The following CSMD1 variants were observed in gnomAD, a reference collection of about 807,000 sequenced individuals.
CSMD1 encodes the protein CUB and Sushi multiple domains 1.
In CSMD1, 213 loss-of-function variants were observed where a neutral mutation model predicts 417.5. That is an observed-to-expected ratio of 0.51 (90% CI 0.46 to 0.57). The LOEUF (loss-of-function observed/expected upper bound fraction) is 0.57, where lower values mean the gene tolerates loss of function less well. Ranked by LOEUF, CSMD1 falls within the 20% of genes least tolerant of loss-of-function variation. The pLI, the probability that CSMD1 is intolerant of heterozygous loss-of-function variation, is 0.00. For synonymous variants in CSMD1, 2,862 were observed against 1,736.8 expected, an observed-to-expected ratio of 1.65 and a Z score of -16.11; for missense variants, 6,923 against 4,529.7, an observed-to-expected ratio of 1.53 and a Z score of -15.17.
intron 2 of CSMD1, among the ~76,000 whole-genome samples, chr8:4,572,094 T>C (rs1798921317): frequency 6.6e-6 from 1 of 152,278 alleles, no homozygotes; most frequent in Non-Finnish European, 1.5e-5. Flanking sequence ...TGTCTTTTAA[T>C]TGGGGCATTT....
At chr8:3,105,751 G>A (rs1424349701) in intron 46 of CSMD1, among the ~76,000 whole-genome samples, 3 of 152,174 alleles carry the variant, frequency 2.0e-5, no homozygotes, top group Non-Finnish European at 4.4e-5. Context: ...GGTATTTATA[G>A]CAAAACGAAA....
intron 1 of CSMD1, among the ~76,000 whole-genome samples, chr8:4,961,995 C>G (rs1364700528): frequency 1.3e-5 from 2 of 152,036 alleles, no homozygotes; most frequent in Non-Finnish European, 1.5e-5. Flanking sequence ...TACATGGATA[C>G]AAAATTTCTG....
At chr8:3,784,061 T>C (rs918765247) in intron 5 of CSMD1, among the ~76,000 whole-genome samples, 5 of 152,244 alleles carry the variant, frequency 3.3e-5, no homozygotes, top group South Asian at 2.1e-4. Context: ...AAGATTGAAA[T>C]AGTAAATTCA....
chr8:3,985,943 C>G (rs1034332614), intron 5 of CSMD1, among the ~76,000 whole-genome samples: 3 of 139,776 alleles, frequency 2.1e-5, no homozygotes, highest in Admixed American at 7.0e-5. Flanking sequence ...ATTTTTTTTT[C>G]TAATTCTAGC....
chr8:4,913,457 T>C (rs1805838259), intron 1 of CSMD1, among the ~76,000 whole-genome samples: 1 of 152,174 alleles, frequency 6.6e-6, no homozygotes. Context: ...ATGCTATTAA[T>C]GGCCATTGTC....
At chr8:4,314,170 C>T (rs188658959) in intron 3 of CSMD1, among the ~76,000 whole-genome samples, 9 of 152,156 alleles carry the variant, frequency 5.9e-5, no homozygotes, top group African/African-American at 1.7e-4. Flanking sequence ...GGCTTAAAAG[C>T]ATCTCATTCC....
chr8:4,471,871 A>C (rs1419117345), intron 2 of CSMD1, among the ~76,000 whole-genome samples: 2 of 152,142 alleles, frequency 1.3e-5, no homozygotes, highest in Non-Finnish European at 2.9e-5. Flanking sequence ...GGCTACAAAA[A>C]ATGGTGTTTC....
At chr8:4,873,447 C>G (rs765882225) in intron 1 of CSMD1, among the ~76,000 whole-genome samples, 2 of 152,028 alleles carry the variant, frequency 1.3e-5, no homozygotes, top group Non-Finnish European at 2.9e-5. Flanking sequence ...GAGAATATTC[C>G]CTTCTTGAGA....
At position 4,720,325 on chromosome 8, in the gene CSMD1, G is replaced by T. The variant is rs116379719; in HGVS notation, c.86-82767C>A. ...AAATTCCTTCTTCTCAAAATCTATT[G>T]CACCAGAATAACATGGTACCATGTA... On this transcript the variant is annotated intron_variant, in intron 1 of 69. Coordinates refer to ENST00000635120, the MANE Select transcript of CSMD1 (RefSeq NM_033225.6). 2.6e-3 allele frequency among the ~76,000 whole-genome samples: 391 copies of T among 152,108 alleles called. 5 individuals carry two copies. The highest frequency in any genetic ancestry group is 9.1e-3 in the African/African-American group (379 of 41,476).
Position 3,396,218 on chromosome 8 carries a change from T to C in CSMD1, c.2569A>G (p.Ile857Val), listed in dbSNP as rs1194966270. Reference sequence around the variant, plus strand: ...CTCTCATAGTGGATGAGGAAGCCGATGCTGGAGCGGCTGTTGTCAGTGGTG... The same window carrying C: ...CTCTCATAGTGGATGAGGAAGCCGACGCTGGAGCGGCTGTTGTCAGTGGTG... ...LFTTDNSRSS[I>V]GFLIHYESVT... Residue 857 changes from isoleucine (I) to valine (V), a missense_variant, in exon 17 of 70, where the codon ATC becomes GTC. Coordinates refer to ENST00000635120, the MANE Select transcript of CSMD1 (RefSeq NM_033225.6). 3 of 1,566,802 alleles carry C rather than the reference T, an allele frequency of 1.9e-6. No individual in the cohort carries two copies. The highest frequency in any genetic ancestry group is 2.6e-6 in the Non-Finnish European group (3 of 1,155,806).
intron 1 of CSMD1, among the ~76,000 whole-genome samples, chr8:4,655,697 C>T (rs758427390): frequency 4.6e-5 from 7 of 151,942 alleles, no homozygotes; most frequent in Admixed American, 1.3e-4. Flanking sequence ...AACTAGGACA[C>T]GAAGAGGTGT....
chr8:4,883,436 C>T (rs1488527220), intron 1 of CSMD1, among the ~76,000 whole-genome samples: 1 of 152,036 alleles, frequency 6.6e-6, no homozygotes, highest in African/African-American at 2.4e-5. Context: ...TCATTTTGAA[C>T]ATTTTTATCA....
chr8:4,509,423 A>G (rs1802701414), intron 2 of CSMD1, among the ~76,000 whole-genome samples: 1 of 152,152 alleles, frequency 6.6e-6, no homozygotes, highest in African/African-American at 2.4e-5. Context: ...TTGAAATGTA[A>G]AGAATTAATT....
chr8:3,936,864 C>A (rs1440340982), intron 5 of CSMD1, among the ~76,000 whole-genome samples: 1 of 152,060 alleles, frequency 6.6e-6, no homozygotes, highest in Non-Finnish European at 1.5e-5. Flanking sequence ...TCTAGCTAGA[C>A]AAGGTAAAAC....
chr8:4,745,167 T>C (rs987450781), intron 1 of CSMD1, among the ~76,000 whole-genome samples: 2 of 152,154 alleles, frequency 1.3e-5, no homozygotes, highest in Non-Finnish European at 2.9e-5. Flanking sequence ...CTTATGTAGG[T>C]AAGTTCTAAT....
intron 3 of CSMD1, among the ~76,000 whole-genome samples, chr8:4,416,951 T>C (rs1245023212): frequency 1.3e-5 from 2 of 152,046 alleles, no homozygotes; most frequent in African/African-American, 2.4e-5. Flanking sequence ...GTAATCCTAA[T>C]AGTTTCTGTT....
chr8:3,776,606 T>C (rs985441720), intron 5 of CSMD1, among the ~76,000 whole-genome samples: 19 of 152,198 alleles, frequency 1.2e-4, no homozygotes, highest in Admixed American at 5.2e-4. Context: ...TTAAATCTCA[T>C]TGACATTGTA....
chr8:3,741,086 G>A (rs552312529), intron 6 of CSMD1, among the ~76,000 whole-genome samples: 2 of 152,010 alleles, frequency 1.3e-5, no homozygotes, highest in African/African-American at 4.8e-5. Context: ...GTGGTGATAG[G>A]TGCCTGTGAT....
intron 1 of CSMD1, among the ~76,000 whole-genome samples, chr8:4,890,000 T>C (rs1311920126): frequency 6.6e-6 from 1 of 152,142 alleles, no homozygotes; most frequent in Admixed American, 6.5e-5. Flanking sequence ...TGACTTCAGG[T>C]ATCTTACCTA....
Sources: allele counts gnomAD v4.1 joint callset (sites outside exome capture counted in the v4.1 genomes callset), GRCh38; gene constraint gnomAD v4.1.1; transcripts MANE v1.5; gene names NCBI Gene and HGNC (gene_info 2026-07-23, HGNC 2026-07-21).